Variants in EFNA5 observed in about 807,000 individuals in gnomAD.
EFNA5 encodes ephrin-A5.
Under a neutral mutation model 22.9 loss-of-function variants are expected in EFNA5, and 5 were observed. The ratio of observed to expected loss-of-function variants is 0.22; its 90% CI spans 0.11 to 0.46. The LOEUF (loss-of-function observed/expected upper bound fraction) is 0.46, where lower values mean the gene tolerates loss of function less well. Among genes scored for constraint, EFNA5 ranks in the 20% least tolerant of loss-of-function variants. EFNA5 has a pLI of 0.99. For missense variants in EFNA5, 237 were observed against 293.3 expected (o/e 0.81, Z 1.40); for synonymous variants, 113 against 112.2 (o/e 1.01, Z -0.04).
intron 1 of EFNA5, among the ~76,000 whole-genome samples, chr5:107,619,732 G>A (rs953677608): frequency 2.0e-5 from 3 of 152,004 alleles, no homozygotes; most frequent in Non-Finnish European, 4.4e-5. Flanking sequence ...AAAGTGCTGG[G>A]ATTACAGGCA....
intron 1 of EFNA5, among the ~76,000 whole-genome samples, chr5:107,526,384 G>T (rs1041192059): frequency 1.3e-5 from 2 of 152,162 alleles, no homozygotes; most frequent in African/African-American, 4.8e-5. Context: ...CCAGTGTAAG[G>T]TTTGCCTGAA....
At chr5:107,568,756 T>C (rs939988954) in intron 1 of EFNA5, among the ~76,000 whole-genome samples, 1 of 152,184 alleles carries the variant, frequency 6.6e-6, no homozygotes, top group East Asian at 1.9e-4. Flanking sequence ...TGTGATGAAA[T>C]CAACTAGTTG....
chr5:107,413,658 G>C (rs2112405090), intron 2 of EFNA5, among the ~76,000 whole-genome samples: 1 of 152,144 alleles, frequency 6.6e-6, no homozygotes, highest in Middle Eastern at 3.4e-3. Context: ...TCCTAACACA[G>C]CTTGCCACTT....
chr5:107,382,166 G>T (rs1350943305), intron 4 of EFNA5, among the ~76,000 whole-genome samples: 1 of 152,110 alleles, frequency 6.6e-6, no homozygotes, highest in East Asian at 1.9e-4. Flanking sequence ...TAGCTATAAA[G>T]TGTTCTATGA....
intron 2 of EFNA5, among the ~76,000 whole-genome samples, chr5:107,402,235 T>C (rs1748105252): frequency 6.6e-6 from 1 of 152,166 alleles, no homozygotes; most frequent in Admixed American, 6.5e-5. Context: ...GCGATGAAGA[T>C]GTCATGTTTC....
chr5:107,641,479 T>G (rs1262451865), intron 1 of EFNA5, among the ~76,000 whole-genome samples: 2 of 152,198 alleles, frequency 1.3e-5, no homozygotes, highest in African/African-American at 4.8e-5. Flanking sequence ...AAGGTTACTA[T>G]GGTTTCAGGA....
At position 107,629,296 on chromosome 5, in the gene EFNA5, A is replaced by T. The variant is rs1005592967; in HGVS notation, c.125+41193T>A. The stretch of plus-strand genomic sequence containing the variant: ...CAATTACCCAAGGAGAAAAATATGA[A>T]ACTGTATTTAAAAAATACATTAAGC... On this transcript the variant is annotated intron_variant, in intron 1 of 4. Coordinates refer to ENST00000333274, the MANE Select transcript of EFNA5 (RefSeq NM_001962.3). Among the ~76,000 whole-genome samples, 9 of 152,318 alleles carry T rather than the reference A, an allele frequency of 5.9e-5. 1 individual carries two copies. Among genetic ancestry groups the T allele is most frequent in the Admixed American group, 3.3e-4 (5 of 15,304 alleles).
intron 1 of EFNA5, among the ~76,000 whole-genome samples, chr5:107,602,002 C>A (rs1281640622): frequency 1.3e-5 from 2 of 152,138 alleles, no homozygotes; most frequent in African/African-American, 4.8e-5. Flanking sequence ...TTTAAACTAT[C>A]CCTTAATTTA....
At chr5:107,399,700 T>A (rs1490872067) in intron 2 of EFNA5, among the ~76,000 whole-genome samples, 4 of 152,184 alleles carry the variant, frequency 2.6e-5, no homozygotes, top group Non-Finnish European at 4.4e-5. Context: ...ACCTCAGATG[T>A]TACATGAGAA....
intron 1 of EFNA5, among the ~76,000 whole-genome samples, chr5:107,639,618 A>G (rs1472281129): frequency 6.6e-6 from 1 of 152,224 alleles, no homozygotes; most frequent in African/African-American, 2.4e-5. Flanking sequence ...TAAATGTATT[A>G]AGTGCCCAGC....
chr5:107,609,384 C>T (rs1403634222), intron 1 of EFNA5, among the ~76,000 whole-genome samples: 1 of 152,214 alleles, frequency 6.6e-6, no homozygotes, highest in African/African-American at 2.4e-5. Context: ...TAAAGCTAAC[C>T]GTCTGCCATG....
intron 1 of EFNA5, among the ~76,000 whole-genome samples, chr5:107,437,946 A>C (rs1335453794): frequency 6.6e-6 from 1 of 152,230 alleles, no homozygotes; most frequent in Non-Finnish European, 1.5e-5. Flanking sequence ...TTAAGCACCT[A>C]AGGCAGAATG....
chr5:107,605,621 G>T (rs1749696828), intron 1 of EFNA5, among the ~76,000 whole-genome samples: 1 of 146,340 alleles, frequency 6.8e-6, no homozygotes, highest in African/African-American at 2.6e-5. Context: ...ATTTCAATAT[G>T]GTTCATTGCC....
chr5:107,660,101 A>G (rs2112559653), intron 1 of EFNA5, among the ~76,000 whole-genome samples: 1 of 151,268 alleles, frequency 6.6e-6, no homozygotes, highest in East Asian at 1.9e-4. Flanking sequence ...ATTAGTTTTC[A>G]TTGTTCCCTT....
At chr5:107,414,877 T>TA (rs527885558) in intron 2 of EFNA5, among the ~76,000 whole-genome samples, 67 of 150,860 alleles carry the variant, frequency 4.4e-4, no homozygotes, top group East Asian at 3.1e-3. Context: ...TAAAGGCAAT[T>TA]AAAAAAAAAG....
At chr5:107,654,148 T>C (rs1340678027) in intron 1 of EFNA5, among the ~76,000 whole-genome samples, 1 of 152,070 alleles carries the variant, frequency 6.6e-6, no homozygotes, top group Non-Finnish European at 1.5e-5. Flanking sequence ...AATACTCTCT[T>C]CCCACCAGTA....
At chr5:107,669,369 T>A (rs915765190) in intron 1 of EFNA5, among the ~76,000 whole-genome samples, 1 of 151,640 alleles carries the variant, frequency 6.6e-6, no homozygotes, top group African/African-American at 2.4e-5. Context: ...AAATAGCACC[T>A]AGGAGGGCAC....
intron 1 of EFNA5, among the ~76,000 whole-genome samples, chr5:107,496,336 C>CCA (rs1746981708): frequency 1.3e-5 from 1 of 79,816 alleles, no homozygotes; most frequent in Non-Finnish European, 2.3e-5. Flanking sequence ...AATTCCATCT[C>CCA]AAAAAAAAAA....
intron 1 of EFNA5, among the ~76,000 whole-genome samples, chr5:107,478,646 C>T (rs770354869): frequency 5.9e-5 from 9 of 152,068 alleles, no homozygotes; most frequent in Admixed American, 3.3e-4. Flanking sequence ...GTAAAAAGTA[C>T]GGAGAAGTAG....
Sources: gnomAD v4.1 joint callset for allele counts (sites outside exome capture counted in the v4.1 genomes callset) on GRCh38, gnomAD v4.1.1 for gene constraint, MANE v1.5 for transcripts, NCBI Gene and HGNC (gene_info 2026-07-23, HGNC 2026-07-21) for gene names.